Variants in OR1L8 observed in about 807,000 individuals in gnomAD.
OR1L8 encodes olfactory receptor 1L8.
For synonymous variants in OR1L8, 148 were observed against 147.0 expected, an observed-to-expected ratio of 1.01 and a Z score of -0.05; for missense variants, 330 against 377.4, an observed-to-expected ratio of 0.87 and a Z score of 1.04.
chr9:122,550,020 C>T, the OR1L8 span, among the ~76,000 whole-genome samples: 1 of 151,890 alleles, frequency 6.6e-6, no homozygotes, highest in African/African-American at 2.4e-5. Context: ...TTATTCGTGT[C>T]ATCTAAAATT....
intron 1 of OR1L8, among the ~76,000 whole-genome samples, chr9:122,580,545 A>G (rs1399766905): frequency 6.6e-6 from 1 of 152,238 alleles, no homozygotes; most frequent in African/African-American, 2.4e-5. Flanking sequence ...TTCAGGGCAT[A>G]TGACTCATGC....
the OR1L8 span, among the ~76,000 whole-genome samples, chr9:122,550,561 G>A: frequency 6.7e-6 from 1 of 148,936 alleles, no homozygotes; most frequent in Non-Finnish European, 1.5e-5. Context: ...GATCAAGTGG[G>A]TTTTTTTTTT....
rs200985640 is a variant in OR1L8 at position 122,567,738 on chromosome 9, G to A, written c.740C>T (p.Thr247Ile). 13 of 1,614,108 alleles carry A rather than the reference G, an allele frequency of 8.1e-6. No individual in the cohort carries two copies. The highest frequency in any genetic ancestry group is 6.7e-5 in the African/African-American group (5 of 75,046). The change falls in exon 5 of 5, where the codon ACC becomes ATC. Residue 247 changes from threonine (T) to isoleucine (I), a missense_variant. By Grantham distance (89) the Thr-to-Ile change is moderately conservative. Transcript: ENST00000641027. ...KAFSTCGFYL[T>I]VVTLFYGSIF... ...GCTTCCATAAAAGAGCGTCACCACG[G>A]TGAGGTAAAAACCACAGGTGGAGAA...
Position 122,567,875 on chromosome 9 carries a change from CA to C in OR1L8, c.602del (p.Met201ArgfsTer9), listed in dbSNP as rs749108018. On this transcript the variant is annotated frameshift_variant, in exon 5 of 5. Transcript: ENST00000641027. LOFTEE classifies it low-confidence loss of function (END_TRUNC). ...TCACCAAAACAATAGGTGCTTCTGT[CA>C]TCTGCACAATTTCATTGACAAATAT... is the stretch of plus-strand genomic sequence containing the variant. ...SSIFVNEIVQ[M>X]TEAPIVLVTR... 4 of 1,613,842 alleles carry C rather than the reference CA, an allele frequency of 2.5e-6. No homozygotes were observed. In the African/African-American group the frequency reaches 5.3e-5, roughly 22 times the overall value.
In OR1L8 at chr9:122,568,593, A is replaced by G. The variant is rs957505863; in HGVS notation, c.-116T>C. 1 of 654,346 alleles carries G rather than the reference A, an allele frequency of 1.5e-6. No individual in the cohort carries two copies. Among genetic ancestry groups the G allele is most frequent in the Non-Finnish European group, 2.6e-6 (1 of 386,130 alleles). The allele number at this position is 654,346 out of a possible 1,614,324, so 40.5% of individuals were successfully genotyped here. A position where few individuals can be genotyped will look rare whatever the true frequency, so the allele number is the denominator to read the frequency against. On this transcript the variant is annotated 5_prime_UTR_variant, in exon 5 of 5. Transcript: ENST00000641027. The stretch of plus-strand genomic sequence containing the variant: ...TTCTTCTGTTTGGTCACAATTAGCT[A>G]CTGTGCTAATTGTGGGATGGCTTGT...
the OR1L8 span, among the ~76,000 whole-genome samples, chr9:122,551,338 CT>C: frequency 1.5e-3 from 228 of 152,144 alleles, 1 homozygote; most frequent in African/African-American, 5.1e-3. Context: ...ATATAAGTAG[CT>C]TTTTTTGAGC....
chr9:122,551,727 C>T, the OR1L8 span, among the ~76,000 whole-genome samples: 1 of 152,050 alleles, frequency 6.6e-6, no homozygotes, highest in East Asian at 1.9e-4. Flanking sequence ...GGCTGGAGAA[C>T]AGGCTGCACA....
chr9:122,582,431 C>G (rs76615207), intron 1 of OR1L8, among the ~76,000 whole-genome samples: 1 of 151,200 alleles, frequency 6.6e-6, no homozygotes, highest in East Asian at 2.3e-4. Context: ...AAAATACAAA[C>G]AAGGCTCGGC....
the OR1L8 span, among the ~76,000 whole-genome samples, chr9:122,552,604 C>G: frequency 6.6e-6 from 1 of 152,042 alleles, no homozygotes; most frequent in African/African-American, 2.4e-5. Context: ...CTACTGCCCT[C>G]AGCTCACATA....
chr9:122,547,394 A>G, the OR1L8 span, among the ~76,000 whole-genome samples: 1 of 152,180 alleles, frequency 6.6e-6, no homozygotes, highest in South Asian at 2.1e-4. Context: ...TTTTATTTGT[A>G]TAAACTTAGA....
At chr9:122,554,886 G>A in the OR1L8 span, among the ~76,000 whole-genome samples, 46,605 of 151,952 alleles carry the variant, frequency 0.31, 8,026 homozygotes, top group East Asian at 0.81. Context: ...TACACCATCC[G>A]TTCTCTGAAT....
chr9:122,572,304 C>T (rs972254116), intron 4 of OR1L8, among the ~76,000 whole-genome samples: 5 of 152,180 alleles, frequency 3.3e-5, no homozygotes, highest in Admixed American at 2.0e-4. Context: ...GATACCATGT[C>T]TGAAAAGCAG....
chr9:122,567,901 T>G lies in OR1L8; in HGVS notation c.577A>C (p.Ile193Leu). 1 of 1,613,996 alleles carries G rather than the reference T, an allele frequency of 6.2e-7. No individual in the cohort carries two copies. Among genetic ancestry groups the G allele is most frequent in the East Asian group, 2.2e-5 (1 of 44,888 alleles). Residue 193 changes from isoleucine (I) to leucine (L), a missense_variant, in exon 5 of 5, where the codon ATA becomes CTA. By Grantham distance (5) the Ile-to-Leu change is conservative. Coordinates refer to ENST00000641027, the MANE Select transcript of OR1L8 (RefSeq NM_001004454.2). ...ATCTGCACAATTTCATTGACAAATA[T>G]GGAAGAGCAGGACAATTTCAGCACA... The part of the protein sequence containing the change: ...SPVLKLSCSS[I>L]FVNEIVQMTE...
intron 1 of OR1L8, among the ~76,000 whole-genome samples, chr9:122,580,492 C>G (rs1312233957): frequency 5.3e-5 from 8 of 152,126 alleles, no homozygotes; most frequent in Admixed American, 2.6e-4. Flanking sequence ...ATGGTCAAAG[C>G]AGAGGAACAC....
At chr9:122,553,136 T>C in the OR1L8 span, 11 of 1,503,164 alleles carry the variant, frequency 7.3e-6, no homozygotes, top group Non-Finnish European at 9.1e-6. Flanking sequence ...CAGATGCATA[T>C]CTGTAAATTG....
At position 122,567,525 on chromosome 9, in the gene OR1L8, C is replaced by T. The variant is rs754821071; in HGVS notation, c.*23G>A. ...GTCCAAGTTGAGCAGATTCCACTTACGAGTTTTTCAAGAGGGTGCTTCCTA... is the reference window on the plus strand; with the variant it reads ...GTCCAAGTTGAGCAGATTCCACTTATGAGTTTTTCAAGAGGGTGCTTCCTA... On this transcript the variant is annotated 3_prime_UTR_variant, in exon 5 of 5. Coordinates refer to ENST00000641027, the MANE Select transcript of OR1L8 (RefSeq NM_001004454.2). 14 of 1,509,840 alleles carry T rather than the reference C, an allele frequency of 9.3e-6. No individual in the cohort carries two copies. The highest frequency in any genetic ancestry group is 1.8e-4 in the Middle Eastern group (1 of 5,608). 93.5% of individuals were successfully genotyped at this position (1,509,840 alleles called of 1,614,324 possible).
At chr9:122,561,275 G>T in the OR1L8 span, among the ~76,000 whole-genome samples, 1 of 152,012 alleles carries the variant, frequency 6.6e-6, no homozygotes, top group African/African-American at 2.4e-5. Context: ...TTTGCATTGG[G>T]TTAGAACATG....
At chr9:122,574,362 T>G (rs191271820) in intron 3 of OR1L8, among the ~76,000 whole-genome samples, 3 of 152,208 alleles carry the variant, frequency 2.0e-5, no homozygotes, top group African/African-American at 7.2e-5. Flanking sequence ...TTAGTTCTTT[T>G]ATCTTTCATC....
the OR1L8 span, chr9:122,553,686 G>A: frequency 1.2e-6 from 2 of 1,614,082 alleles, no homozygotes; most frequent in Admixed American, 1.7e-5. Flanking sequence ...CAACTGTCCT[G>A]CCCTGATGCA....
Sources: gnomAD v4.1 joint callset for allele counts (sites outside exome capture counted in the v4.1 genomes callset) on GRCh38, gnomAD v4.1.1 for gene constraint, MANE v1.5 for transcripts, NCBI Gene and HGNC (gene_info 2026-07-23, HGNC 2026-07-21) for gene names.